UTRN: variants seen among roughly 807,000 people sequenced by gnomAD.
UTRN encodes the protein dystrophin-related protein 1.
Under a neutral mutation model 463.9 loss-of-function variants are expected in UTRN, and 283 were observed. That is an observed-to-expected ratio of 0.61 (90% confidence interval 0.55 to 0.67). UTRN has a LOEUF of 0.67. UTRN is among the 30% of genes least tolerant of loss of function. The pLI is 0.00. For missense variants in UTRN, 3,922 were observed against 4,084.3 expected (o/e 0.96, Z 1.08); for synonymous variants, 1,442 against 1,431.5 (o/e 1.01, Z -0.17).
Position 144,793,901 on chromosome 6 carries a change from T to C in UTRN, c.8988T>C (p.His2996=), listed in dbSNP as rs9390227. The C allele has an allele frequency of 2.4e-3, 3,894 of 1,614,142 alleles. 143 individuals are homozygous for C. The East Asian group carries it at 0.073, about 30-fold the overall frequency. The change falls in exon 63 of 75, where the codon CAT becomes CAC. Residue 2996 remains histidine, a synonymous_variant. Coordinates refer to ENST00000367545, the MANE Select transcript of UTRN (RefSeq NM_007124.3). The part of the protein sequence containing the change: ...CDQRQLGLLL[H]DAIQIPRQLG... Reference sequence around the variant, plus strand: ...AGAGGCAGCTGGGCCTGTTACTTCATGATGCCATCCAGATCCCCCGGCAGC... The same window carrying C: ...AGAGGCAGCTGGGCCTGTTACTTCACGATGCCATCCAGATCCCCCGGCAGC...
At chr6:144,732,257 T>TATATATATAC (rs1562832796) in intron 54 of UTRN, among the ~76,000 whole-genome samples, 3 of 85,504 alleles carry the variant, frequency 3.5e-5, no homozygotes, top group Non-Finnish European at 4.6e-5. Flanking sequence ...TATATATATA[T>TATATATATAC]ACACACATAT....
At chr6:144,783,892 CTCTG>C (rs1776077888) in intron 61 of UTRN, among the ~76,000 whole-genome samples, 1 of 152,134 alleles carries the variant, frequency 6.6e-6, no homozygotes, top group African/African-American at 2.4e-5. Context: ...TTTGCGATAT[CTCTG>C]TCTGATATTT....
intron 33 of UTRN, among the ~76,000 whole-genome samples, chr6:144,498,888 G>A (rs898817405): frequency 2.6e-5 from 4 of 152,106 alleles, no homozygotes; most frequent in African/African-American, 7.2e-5. Flanking sequence ...TCCCAGGCTG[G>A]TCTTAAACTC....
intron 7 of UTRN, among the ~76,000 whole-genome samples, chr6:144,428,005 A>C (rs1175384707): frequency 6.6e-6 from 1 of 152,086 alleles, no homozygotes; most frequent in Non-Finnish European, 1.5e-5. Flanking sequence ...CAGTGACCTG[A>C]GTGGGGGGAG....
chr6:144,623,089 A>G (rs1775594624), intron 51 of UTRN, among the ~76,000 whole-genome samples: 1 of 152,240 alleles, frequency 6.6e-6, no homozygotes, highest in African/African-American at 2.4e-5. Context: ...GTGTTACTTT[A>G]TCAGCCTAAG....
At chr6:144,310,673 G>A (rs1199030544) in intron 2 of UTRN, among the ~76,000 whole-genome samples, 2 of 152,120 alleles carry the variant, frequency 1.3e-5, no homozygotes, top group East Asian at 3.9e-4. Context: ...AACTACTGGG[G>A]AGGCTGAGGC....
At chr6:144,489,390 C>G (rs1792809008) in intron 30 of UTRN, among the ~76,000 whole-genome samples, 1 of 152,096 alleles carries the variant, frequency 6.6e-6, no homozygotes, top group South Asian at 2.1e-4. Context: ...TTCAGGTGAT[C>G]CACCTTCCTC....
At chr6:144,731,595 C>G (rs564513611) in intron 54 of UTRN, among the ~76,000 whole-genome samples, 4 of 152,218 alleles carry the variant, frequency 2.6e-5, no homozygotes, top group African/African-American at 9.6e-5. Flanking sequence ...GAATCTTACT[C>G]AAGGAACCTT....
chr6:144,586,799 A>T (rs1269555352), intron 51 of UTRN, among the ~76,000 whole-genome samples: 2 of 152,158 alleles, frequency 1.3e-5, no homozygotes, highest in Non-Finnish European at 1.5e-5. Flanking sequence ...AATGAGAAAA[A>T]TTTAAAAATA....
intron 25 of UTRN, among the ~76,000 whole-genome samples, chr6:144,477,146 A>G (rs1434088079): frequency 6.6e-6 from 1 of 152,156 alleles, no homozygotes; most frequent in Non-Finnish European, 1.5e-5. Flanking sequence ...AGGAAATGAT[A>G]TGGGAACAGT....
intron 13 of UTRN, among the ~76,000 whole-genome samples, chr6:144,442,050 G>T (rs184894829): frequency 1.1e-3 from 171 of 152,228 alleles, no homozygotes; most frequent in Non-Finnish European, 1.9e-3. Flanking sequence ...TGATGGGAGG[G>T]GCTGATGTGA....
intron 3 of UTRN, 26 bp downstream of exon 3, chr6:144,403,210 A>AT (rs1434873186): frequency 1.2e-6 from 2 of 1,600,702 alleles, no homozygotes; most frequent in Non-Finnish European, 8.5e-7. Context: ...AAAAACTTCG[A>AT]TGGTTCAGAT....
intron 2 of UTRN, among the ~76,000 whole-genome samples, chr6:144,335,583 C>T (rs2114616028): frequency 6.6e-6 from 1 of 152,314 alleles, no homozygotes; most frequent in African/African-American, 2.4e-5. Context: ...CTTGCCTGGC[C>T]TGGGAACCGG....
At chr6:144,695,446 C>T (rs562723619) in intron 52 of UTRN, among the ~76,000 whole-genome samples, 234 of 151,538 alleles carry the variant, frequency 1.5e-3, no homozygotes, top group African/African-American at 5.2e-3. Context: ...TGGGTTCAAG[C>T]GATTCTCCTG....
At chr6:144,769,887 T>C (rs1181528411) in intron 58 of UTRN, among the ~76,000 whole-genome samples, 1 of 152,148 alleles carries the variant, frequency 6.6e-6, no homozygotes, top group Non-Finnish European at 1.5e-5. Context: ...CCTTCCATAT[T>C]TGTTGGTAAT....
chr6:144,768,416 T>C (rs956737329), intron 58 of UTRN, among the ~76,000 whole-genome samples: 12 of 152,178 alleles, frequency 7.9e-5, no homozygotes, highest in African/African-American at 2.4e-4. Context: ...GTAATTCCTG[T>C]ATACAGTCTA....
At chr6:144,518,903 G>A (rs1795852243) in intron 39 of UTRN, among the ~76,000 whole-genome samples, 1 of 140,022 alleles carries the variant, frequency 7.1e-6, no homozygotes, top group East Asian at 1.9e-4. Context: ...GAATTACTGT[G>A]GGGGAGCTTT....
intron 54 of UTRN, among the ~76,000 whole-genome samples, chr6:144,733,521 A>ACC (rs1562835482): frequency 2.7e-5 from 4 of 150,842 alleles, no homozygotes; most frequent in African/African-American, 9.8e-5. Flanking sequence ...AAAAAAAAAA[A>ACC]AAAAAACTTT....
At chr6:144,406,236 T>G (rs967323449) in intron 3 of UTRN, among the ~76,000 whole-genome samples, 2 of 152,236 alleles carry the variant, frequency 1.3e-5, no homozygotes, top group African/African-American at 4.8e-5. Flanking sequence ...GTTTGAGAGT[T>G]ATGACTTTAC....
Sources: allele counts gnomAD v4.1 joint callset (sites outside exome capture counted in the v4.1 genomes callset), GRCh38; gene constraint gnomAD v4.1.1; transcripts MANE v1.5; gene names NCBI Gene and HGNC (gene_info 2026-07-23, HGNC 2026-07-21).